DIPK1A: variants seen among roughly 807,000 people sequenced by gnomAD.
DIPK1A encodes family with sequence similarity 69 member A.
In DIPK1A, 27 loss-of-function variants were observed where a neutral mutation model predicts 40.8. The observed-to-expected ratio is 0.66, with a 90% CI of 0.49 to 0.91. The LOEUF is 0.91. Ranked by LOEUF, DIPK1A falls within the 40% of genes least tolerant of loss-of-function variation. DIPK1A has a pLI of 0.00. For synonymous variants in DIPK1A, 166 were observed against 171.3 expected (o/e 0.97, Z 0.24); for missense variants, 412 against 505.7 (o/e 0.81, Z 1.78).
intron 2 of DIPK1A, among the ~76,000 whole-genome samples, chr1:92,860,451 T>C (rs1167478470): frequency 1.3e-5 from 2 of 152,032 alleles, no homozygotes; most frequent in Non-Finnish European, 2.9e-5. Context: ...TCATTGGTTT[T>C]GTCTTGACTA....
downstream of DIPK1A, chr1:92,840,459 C>A: frequency 1.1e-6 from 1 of 917,036 alleles, no homozygotes; most frequent in Non-Finnish European, 1.8e-6. Flanking sequence ...TTTTGAGAAT[C>A]TGGCTTAGAA....
intron 2 of DIPK1A, among the ~76,000 whole-genome samples, chr1:92,851,656 GA>G (rs1310618979): frequency 6.6e-6 from 1 of 150,578 alleles, no homozygotes; most frequent in African/African-American, 2.4e-5. Flanking sequence ...ACAAGAAAGG[GA>G]AAAAAACCCA....
Position 92,833,730 on chromosome 1 carries a change from G to GGT in DIPK1A, c.475-698_475-697dup, listed in dbSNP as rs947480137. ...ATTGTGCTTGGGAAGCAAAGCACAT[G>GGT]GTGTGTGTGTTAGAAGGGCTGTCTA... On this transcript the variant is annotated intron_variant, in intron 4 of 4. Coordinates refer to the DIPK1A transcript ENST00000615519. 71 of 1,252,512 alleles carry GGT rather than the reference G, an allele frequency of 5.7e-5. No homozygotes were observed. The Admixed American group carries it at 6.0e-4, about 11-fold the overall frequency. 77.6% of individuals were successfully genotyped at this position (1,252,512 alleles called of 1,614,324 possible).
chr1:92,940,383 C>T (rs142976786), intron 1 of DIPK1A, among the ~76,000 whole-genome samples: 14 of 152,322 alleles, frequency 9.2e-5, no homozygotes, highest in African/African-American at 3.4e-4. Flanking sequence ...CCAATAACAT[C>T]ATCTTAACAT....
intron 1 of DIPK1A, among the ~76,000 whole-genome samples, chr1:92,929,028 T>G (rs952457822): frequency 6.6e-6 from 1 of 152,192 alleles, no homozygotes; most frequent in Non-Finnish European, 1.5e-5. Context: ...ACTTGTTCAA[T>G]TACTATACAT....
chr1:92,860,989 ATC>A (rs1376602019), intron 2 of DIPK1A, among the ~76,000 whole-genome samples: 4 of 152,198 alleles, frequency 2.6e-5, no homozygotes, highest in Non-Finnish European at 5.9e-5. Flanking sequence ...CCTCACTTAC[ATC>A]AAACATCGGT....
intron 1 of DIPK1A, chr1:92,933,919 A>G (rs1650852437): frequency 6.6e-6 from 1 of 152,240 alleles, no homozygotes; most frequent in Non-Finnish European, 1.5e-5. Context: ...TAAGACTTTT[A>G]AAGGTAATAC....
In DIPK1A at chr1:92,871,548, T is replaced by C. The variant is rs192663155; in HGVS notation, c.189+4748A>G. 9.2e-5 allele frequency among the ~76,000 whole-genome samples: 14 copies of C among 152,334 alleles called. No homozygotes were observed. The East Asian group carries it at 2.7e-3, about 29-fold the overall frequency. On this transcript the variant is annotated intron_variant, in intron 2 of 4. Transcript: ENST00000370310. ...TCTATTGTATAGGTTATCCTAGAAA[T>C]AATAATATGCATCCTTGAATTATCA...
At chr1:92,853,447 T>C (rs1187675127) in intron 2 of DIPK1A, among the ~76,000 whole-genome samples, 12 of 152,076 alleles carry the variant, frequency 7.9e-5, no homozygotes, top group Admixed American at 7.9e-4. Flanking sequence ...GGGAAACCAA[T>C]CAGATTGGCC....
At chr1:92,854,215 G>C (rs1017186419) in intron 2 of DIPK1A, among the ~76,000 whole-genome samples, 6 of 152,144 alleles carry the variant, frequency 3.9e-5, no homozygotes, top group Non-Finnish European at 8.8e-5. Context: ...ATACCTGATA[G>C]TAGGTGCTTC....
chr1:92,898,235 C>A (rs537674804), intron 1 of DIPK1A, among the ~76,000 whole-genome samples: 1 of 152,274 alleles, frequency 6.6e-6, no homozygotes, highest in South Asian at 2.1e-4. Context: ...AACTTACAGT[C>A]ATGGTGAAAG....
At chr1:92,845,557 T>G (rs900255528) in intron 4 of DIPK1A, 5 of 103,524 alleles carry the variant, frequency 4.8e-5, no homozygotes, top group East Asian at 2.5e-4. Context: ...AAAAAAAAAA[T>G]GCTGGATGCG....
chr1:92,895,861 C>G (rs1341553435), intron 1 of DIPK1A, among the ~76,000 whole-genome samples: 4 of 152,042 alleles, frequency 2.6e-5, no homozygotes, highest in Non-Finnish European at 4.4e-5. Context: ...ACACCAATAA[C>G]AGACAAACAG....
chr1:92,890,747 G>A (rs1206481552), intron 1 of DIPK1A, among the ~76,000 whole-genome samples: 1 of 152,112 alleles, frequency 6.6e-6, no homozygotes, highest in Non-Finnish European at 1.5e-5. Context: ...TTACATCTAT[G>A]TTCATCAGGT....
At chr1:92,855,129 AC>A (rs1428286403) in intron 2 of DIPK1A, among the ~76,000 whole-genome samples, 4 of 152,202 alleles carry the variant, frequency 2.6e-5, no homozygotes, top group African/African-American at 7.2e-5. Flanking sequence ...AAACAAAAAA[AC>A]AAACATATGT....
intron 4 of DIPK1A, among the ~76,000 whole-genome samples, chr1:92,834,323 C>G (rs1046517504): frequency 6.6e-6 from 1 of 152,264 alleles, no homozygotes; most frequent in Middle Eastern, 3.4e-3. Flanking sequence ...CATGAAAGAC[C>G]TTTAGGAAGT....
At chr1:92,928,684 G>A (rs1182448457) in intron 1 of DIPK1A, among the ~76,000 whole-genome samples, 4 of 152,218 alleles carry the variant, frequency 2.6e-5, no homozygotes, top group Non-Finnish European at 5.9e-5. Context: ...TCTAGAGGCT[G>A]GGTATGGTGG....
chr1:92,922,257 T>A, intron 1 of DIPK1A, among the ~76,000 whole-genome samples: 1 of 152,138 alleles, frequency 6.6e-6, no homozygotes, highest in East Asian at 1.9e-4. Context: ...GATTTGAAAA[T>A]CACAACTTAG....
Position 92,843,797 on chromosome 1 carries a change from G to T in DIPK1A, c.873C>A (p.Leu291=). ...DVFHGPYGNF[L]MCDTSAKNLG... ...GGTTTTTGGCACTAGTATCGCACAT[G>T]AGGAAATTTCCGTAGGGGCCATGGA... The change falls in exon 5 of 5, where the codon CTC becomes CTA. Residue 291 remains leucine, a synonymous_variant. Transcript: ENST00000370310. The T allele has an allele frequency of 6.4e-7, 1 of 1,551,828 alleles. No individual in the cohort carries two copies. The highest frequency in any genetic ancestry group is 2.4e-5 in the East Asian group (1 of 40,924).
Sources: allele counts gnomAD v4.1 joint callset (sites outside exome capture counted in the v4.1 genomes callset), GRCh38; gene constraint gnomAD v4.1.1; transcripts MANE v1.5; gene names NCBI Gene and HGNC (gene_info 2026-07-23, HGNC 2026-07-21).